PDE3A: variants seen among roughly 807,000 people sequenced by gnomAD.
PDE3A encodes the protein phosphodiesterase 3A.
A neutral mutation model predicts 98.3 loss-of-function variants in PDE3A; 43 were observed. The observed-to-expected ratio is 0.44, with a 90% CI of 0.34 to 0.56. PDE3A has a LOEUF of 0.56. PDE3A is among the 20% of genes least tolerant of loss of function. The probability of loss-of-function intolerance (pLI) is 0.01; values close to 1 mark genes in which losing one functional copy is unlikely to be tolerated. For synonymous variants in PDE3A, 663 were observed against 567.9 expected, an observed-to-expected ratio of 1.17 and a Z score of -2.38; for missense variants, 1,427 against 1,440.7, an observed-to-expected ratio of 0.99 and a Z score of 0.15.
rs748935903 is a variant in PDE3A at position 20,369,407 on chromosome 12, G to T, written c.123G>T (p.Ser41=). ...CGGACCCCGCATCGCCGCGGGACTC[G>T]GGCTGCCGTGGCTGCTGGGGAGACC... ...HRADPASPRD[S]GCRGCWGDLV... Residue 41 remains serine (S), a synonymous_variant, in exon 1 of 16, where the codon TCG becomes TCT. Coordinates refer to ENST00000359062, the MANE Select transcript of PDE3A (RefSeq NM_000921.5). 5.2e-6 allele frequency: 8 copies of T among 1,553,290 alleles called. No individual in the cohort carries two copies. In the East Asian group the frequency reaches 1.2e-4, roughly 24 times the overall value.
chr12:20,481,791 A>G (rs1479460189), intron 1 of PDE3A, among the ~76,000 whole-genome samples: 3 of 11,026 alleles, frequency 2.7e-4, no homozygotes, highest in African/African-American at 1.7e-3. Flanking sequence ...TTTTTTGAGC[A>G]GAGTCTCTTG....
At chr12:20,463,712 T>C (rs1233888585) in intron 1 of PDE3A, among the ~76,000 whole-genome samples, 3 of 152,202 alleles carry the variant, frequency 2.0e-5, no homozygotes, top group Non-Finnish European at 2.9e-5. Flanking sequence ...TATTTTTAAA[T>C]ATTACATTTT....
chr12:20,668,213 C>T (rs1004847038), intron 15 of PDE3A, among the ~76,000 whole-genome samples: 2 of 151,976 alleles, frequency 1.3e-5, no homozygotes, highest in Non-Finnish European at 2.9e-5. Flanking sequence ...CACAGAGTCT[C>T]GCTGATTGCT....
intron 1 of PDE3A, among the ~76,000 whole-genome samples, chr12:20,495,403 A>C (rs1487354840): frequency 6.6e-6 from 1 of 152,188 alleles, no homozygotes; most frequent in East Asian, 1.9e-4. Flanking sequence ...CAAAGAAACA[A>C]CTATAATCTA....
rs1047484246 is a variant in PDE3A, at chr12:20,437,925, AT to A, written c.960+67685del. On this transcript the variant is annotated intron_variant, in intron 1 of 15. Transcript: ENST00000359062. ...AGGGTTGTTTATATTAAATAAAGCT[AT>A]TTTCCCCCAATTTTAGCTAAACCTC... Among the ~76,000 whole-genome samples the A allele has an allele frequency of 2.0e-4, 31 of 151,976 alleles. 1 individual carries two copies. Among genetic ancestry groups the A allele is most frequent in the Admixed American group, 1.8e-3 (27 of 15,262 alleles).
At chr12:20,459,394 C>A (rs10770662) in intron 1 of PDE3A, among the ~76,000 whole-genome samples, 82,466 of 151,838 alleles carry the variant, frequency 0.54, 22,910 homozygotes, top group Admixed American at 0.62. Flanking sequence ...AATCATCCTT[C>A]TGGAAAGCCT....
chr12:20,382,784 A>G (rs1943685286), intron 1 of PDE3A, among the ~76,000 whole-genome samples: 1 of 151,966 alleles, frequency 6.6e-6, no homozygotes, highest in African/African-American at 2.4e-5. Context: ...GGTTCTTGTT[A>G]AACACTGTGC....
At chr12:20,513,706 T>C (rs184079578) in intron 1 of PDE3A, among the ~76,000 whole-genome samples, 21 of 152,316 alleles carry the variant, frequency 1.4e-4, no homozygotes, top group Non-Finnish European at 2.8e-4. Flanking sequence ...TGATATGTTA[T>C]ATTAAACTGT....
chr12:20,665,541 T>C (rs1945287008), intron 15 of PDE3A, among the ~76,000 whole-genome samples: 1 of 152,190 alleles, frequency 6.6e-6, no homozygotes, highest in Non-Finnish European at 1.5e-5. Context: ...ACAGACCCTA[T>C]GGTCTAGAAG....
chr12:20,527,044 G>T (rs1209322263), intron 1 of PDE3A, among the ~76,000 whole-genome samples: 2 of 151,588 alleles, frequency 1.3e-5, no homozygotes, highest in Non-Finnish European at 2.9e-5. Flanking sequence ...TCAGCCTCCC[G>T]AGTAGCTAGG....
chr12:20,648,884 A>C lies in PDE3A; in HGVS notation c.2762A>C (p.Asn921Thr). Residue 921 changes from asparagine (N) to threonine (T), a missense_variant, in exon 13 of 16, where the codon AAT becomes ACT. Physicochemically the swap from Asn to Thr is moderately conservative, Grantham distance 65. This residue lies in a region of PDE3A where 273 missense variants were observed against 420.3 expected (regional missense o/e 0.65). Transcript: ENST00000359062. Reference sequence around the variant, plus strand: ...CACTTTGACTTCGTAGCCAAATTTAATGGCAAGGTAAATAGAGCTGTACCC... The same window carrying C: ...CACTTTGACTTCGTAGCCAAATTTACTGGCAAGGTAAATAGAGCTGTACCC... ...KKHFDFVAKF[N>T]GKVNDDVGID... is the part of the protein sequence containing the mutation. The C allele has an allele frequency of 6.3e-7, 1 of 1,599,276 alleles. No individual in the cohort carries two copies. The highest frequency in any genetic ancestry group is 1.1e-5 in the South Asian group (1 of 90,768).
intron 2 of PDE3A, among the ~76,000 whole-genome samples, chr12:20,610,167 T>A (rs1943812890): frequency 6.6e-6 from 1 of 151,934 alleles, no homozygotes; most frequent in South Asian, 2.1e-4. Flanking sequence ...GGAATTAATA[T>A]CCAAACTTTA....
At chr12:20,535,693 G>A (rs76274569) in intron 1 of PDE3A, among the ~76,000 whole-genome samples, 13,410 of 152,096 alleles carry the variant, frequency 0.088, 795 homozygotes, top group Non-Finnish European at 0.13. Flanking sequence ...CTATTAAAAT[G>A]AGATGGCCAG....
At chr12:20,607,846 T>C (rs1340138556) in intron 2 of PDE3A, among the ~76,000 whole-genome samples, 1 of 152,196 alleles carries the variant, frequency 6.6e-6, no homozygotes, top group Non-Finnish European at 1.5e-5. Flanking sequence ...AGACTTTTCT[T>C]TAAACTGGCT....
At chr12:20,586,251 T>G (rs1246280954) in intron 2 of PDE3A, among the ~76,000 whole-genome samples, 1 of 152,134 alleles carries the variant, frequency 6.6e-6, no homozygotes, top group African/African-American at 2.4e-5. Context: ...AAAGGAGAGT[T>G]AAGTCATAGA....
At chr12:20,608,153 C>A (rs1943760077) in intron 2 of PDE3A, among the ~76,000 whole-genome samples, 1 of 152,126 alleles carries the variant, frequency 6.6e-6, no homozygotes, top group South Asian at 2.1e-4. Context: ...AGCAGCCAGT[C>A]CATCTTTCTG....
chr12:20,532,731 C>G (rs907823818), intron 1 of PDE3A, among the ~76,000 whole-genome samples: 2 of 147,752 alleles, frequency 1.4e-5, no homozygotes, highest in Non-Finnish European at 3.0e-5. Context: ...CTCTGTCACC[C>G]AGGCTGGAGT....
chr12:20,539,896 G>T (rs1941850086), intron 1 of PDE3A, among the ~76,000 whole-genome samples: 1 of 5,214 alleles, frequency 1.9e-4, no homozygotes, highest in Non-Finnish European at 7.0e-4. Flanking sequence ...GAAGTAGGTA[G>T]TCTTATTATT....
chr12:20,402,433 G>GCCA (rs1944150005), intron 1 of PDE3A, among the ~76,000 whole-genome samples: 1 of 152,044 alleles, frequency 6.6e-6, no homozygotes, highest in Non-Finnish European at 1.5e-5. Context: ...ATAGTTGTGA[G>GCCA]CCACCACGCC....
Sources: gnomAD v4.1 joint callset for allele counts (sites outside exome capture counted in the v4.1 genomes callset) on GRCh38, gnomAD v4.1.1 for gene constraint, gnomAD v4.1.1 regional missense constraint, MANE v1.5 for transcripts, NCBI Gene and HGNC (gene_info 2026-07-23, HGNC 2026-07-21) for gene names.